The following LOC400499 variants were observed in gnomAD, a reference collection of about 807,000 sequenced individuals.
the LOC400499 span, among the ~76,000 whole-genome samples, chr16:11,513,603 G>A: frequency 6.6e-6 from 1 of 151,564 alleles, no homozygotes; most frequent in Non-Finnish European, 1.5e-5. Context: ...ACTATTTTTT[G>A]CATTTTTAGT....
the LOC400499 span, among the ~76,000 whole-genome samples, chr16:11,383,073 T>C: frequency 0.02 from 2,925 of 144,002 alleles, 55 homozygotes; most frequent in Middle Eastern, 0.12. Flanking sequence ...GCCAGGGTCT[T>C]TTTTTTTTTT....
the LOC400499 span, among the ~76,000 whole-genome samples, chr16:11,458,911 C>A: frequency 1.3e-5 from 2 of 151,342 alleles, no homozygotes; most frequent in African/African-American, 4.8e-5. Context: ...GTGGCAGGCA[C>A]CTGTAATCCC....
At chr16:11,393,258 T>A in the LOC400499 span, 3 of 602,158 alleles carry the variant, frequency 5.0e-6, no homozygotes, top group Non-Finnish European at 6.8e-6. Flanking sequence ...CCTCCCAAAG[T>A]GCTAGGATTA....
the LOC400499 span, among the ~76,000 whole-genome samples, chr16:11,430,854 T>C: frequency 1.3e-5 from 2 of 152,226 alleles, no homozygotes; most frequent in African/African-American, 4.8e-5. Context: ...ATTTTCTTTG[T>C]CAGAATGCAT....
the LOC400499 span, among the ~76,000 whole-genome samples, chr16:11,468,466 G>A: frequency 6.6e-6 from 1 of 152,066 alleles, no homozygotes; most frequent in South Asian, 2.1e-4. Context: ...TGAGACTACA[G>A]GCACACAACT....
the LOC400499 span, among the ~76,000 whole-genome samples, chr16:11,442,773 A>G: frequency 1.3e-5 from 2 of 152,214 alleles, no homozygotes; most frequent in Non-Finnish European, 1.5e-5. Flanking sequence ...CAGGCTGAAT[A>G]TGGCCCATGG....
chr16:11,395,986 C>G, the LOC400499 span, among the ~76,000 whole-genome samples: 5 of 152,306 alleles, frequency 3.3e-5, no homozygotes, highest in South Asian at 1.0e-3. Context: ...AACTCTGCCC[C>G]TTCCTACTTC....
the LOC400499 span, among the ~76,000 whole-genome samples, chr16:11,490,624 C>T: frequency 3.9e-4 from 60 of 152,190 alleles, no homozygotes; most frequent in South Asian, 8.3e-4. Context: ...TGGCATGAAC[C>T]CGGGAGGCAG....
the LOC400499 span, among the ~76,000 whole-genome samples, chr16:11,386,097 G>C: frequency 8.2e-3 from 1,242 of 152,282 alleles, 14 homozygotes; most frequent in African/African-American, 0.029. Flanking sequence ...TGGCGGGGAT[G>C]GGGGGAAACA....
At chr16:11,410,007 T>C in the LOC400499 span, among the ~76,000 whole-genome samples, 2 of 152,166 alleles carry the variant, frequency 1.3e-5, no homozygotes, top group Non-Finnish European at 2.9e-5. Flanking sequence ...GAGCCAGGTG[T>C]GGTGGTACCA....
At chr16:11,380,161 T>G in the LOC400499 span, among the ~76,000 whole-genome samples, 2 of 152,190 alleles carry the variant, frequency 1.3e-5, no homozygotes, top group South Asian at 2.1e-4. Flanking sequence ...ATACATCTTT[T>G]AAATCCAATA....
the LOC400499 span, chr16:11,384,925 G>A: frequency 8.3e-5 from 102 of 1,232,210 alleles, no homozygotes; most frequent in Admixed American, 6.7e-4. Flanking sequence ...TGCAGAGGCC[G>A]GTGGGCACGT....
chr16:11,465,490 G>A, the LOC400499 span: 1 of 152,164 alleles, frequency 6.6e-6, no homozygotes, highest in Non-Finnish European at 1.5e-5. Flanking sequence ...TCAACACAGT[G>A]ACAGGGGCTT....
the LOC400499 span, among the ~76,000 whole-genome samples, chr16:11,493,058 A>G: frequency 6.6e-6 from 1 of 152,152 alleles, no homozygotes; most frequent in Non-Finnish European, 1.5e-5. Flanking sequence ...AGAAAGGGCA[A>G]TGTGCTGGGG....
At chr16:11,457,823 T>A in the LOC400499 span, among the ~76,000 whole-genome samples, 1 of 151,910 alleles carries the variant, frequency 6.6e-6, no homozygotes, top group South Asian at 2.1e-4. Context: ...GACAATGGAG[T>A]ATTCGGCCTT....
At chr16:11,398,867 G>A in the LOC400499 span, among the ~76,000 whole-genome samples, 1 of 152,104 alleles carries the variant, frequency 6.6e-6, no homozygotes, top group Admixed American at 6.5e-5. Context: ...CGCCATGTTG[G>A]CCAGGCGATC....
chr16:11,499,584 C>T, the LOC400499 span, among the ~76,000 whole-genome samples: 1 of 152,080 alleles, frequency 6.6e-6, no homozygotes, highest in Non-Finnish European at 1.5e-5. Context: ...TCAAACCCTG[C>T]GGTCAGGGGC....
chr16:11,498,775 C>T, the LOC400499 span, among the ~76,000 whole-genome samples: 1 of 151,728 alleles, frequency 6.6e-6, no homozygotes, highest in East Asian at 2.0e-4. Context: ...ACAAGCCGAT[C>T]GATGCCACCT....
the LOC400499 span, chr16:11,385,161 G>T: frequency 8.1e-7 from 1 of 1,230,844 alleles, no homozygotes. Context: ...ATGGGCACAG[G>T]TCTCCAGGGG....
Sources: gnomAD v4.1 joint callset for allele counts (sites outside exome capture counted in the v4.1 genomes callset) on GRCh38, gnomAD v4.1.1 for gene constraint, MANE v1.5 for transcripts.